Variants in ABCA10 observed in about 807,000 individuals in gnomAD.
ABCA10 encodes ATP-binding cassette sub-family A member 10.
A neutral mutation model predicts 187.5 loss-of-function variants in ABCA10; 169 were observed. The observed-to-expected ratio is 0.90, with a 90% CI of 0.80 to 1.02. The LOEUF (loss-of-function observed/expected upper bound fraction) is 1.02, where lower values mean the gene tolerates loss of function less well. ABCA10 is among the 50% of genes least tolerant of loss of function. The pLI is 0.00. For missense variants in ABCA10, 1,727 were observed against 1,812.4 expected (o/e 0.95, Z 0.86); for synonymous variants, 574 against 601.8 (o/e 0.95, Z 0.68).
intron 21 of ABCA10, 92 bp from the exon 22 acceptor site, chr17:69,182,382 GAGA>G (rs1416115501): frequency 1.2e-5 from 13 of 1,109,418 alleles, no homozygotes; most frequent in Non-Finnish European, 1.5e-5. Context: ...GAATTAGAAT[GAGA>G]AGGAGACTAT....
chr17:69,242,618 C>T (rs2074910539), intron 1 of ABCA10, among the ~76,000 whole-genome samples: 1 of 152,122 alleles, frequency 6.6e-6, no homozygotes, highest in Non-Finnish European at 1.5e-5. Flanking sequence ...GCACGTGCCA[C>T]CACACCCAGC....
rs2074103158 is a variant in ABCA10, at chr17:69,148,249, A to G, written c.*578T>C. ...AATACATTGAATATAAGTTGGCTAA[A>G]GAAAATATTAACTGCGGTACTTTCT... On this transcript the variant is annotated 3_prime_UTR_variant, in exon 39 of 39. Coordinates refer to ENST00000690296, the MANE Select transcript of ABCA10 (RefSeq NM_001377321.1). The G allele has an allele frequency of 6.6e-6, 1 of 152,300 alleles. No individual in the cohort carries two copies. Among genetic ancestry groups the G allele is most frequent in the Admixed American group, 6.5e-5 (1 of 15,274 alleles). 9.4% of individuals were successfully genotyped at this position (152,300 alleles called of 1,614,324 possible).
intron 25 of ABCA10, among the ~76,000 whole-genome samples, chr17:69,169,489 C>T (rs1010523425): frequency 6.6e-6 from 1 of 152,216 alleles, no homozygotes; most frequent in South Asian, 2.1e-4. Context: ...ATTAATATCA[C>T]TTCTTGTGGA....
Position 69,153,337 on chromosome 17 carries a change from G to T in ABCA10, c.4104C>A (p.Thr1368=). The change falls in exon 34 of 39, where the codon ACC becomes ACA. Residue 1368 remains threonine (T), a synonymous_variant. Coordinates refer to ENST00000690296, the MANE Select transcript of ABCA10 (RefSeq NM_001377321.1). ...PSVVLLDEPF[T]GMDPEGQQQM... ...GCTGCTGCCCCTCGGGGTCCATCCC[G>T]GTGAACGGCTCATCTAGAAGCACCA... 6.2e-7 allele frequency: 1 copy of T among 1,613,122 alleles called. No individual in the cohort carries two copies. Among genetic ancestry groups the T allele is most frequent in the South Asian group, 1.1e-5 (1 of 90,966 alleles).
intron 25 of ABCA10, among the ~76,000 whole-genome samples, chr17:69,168,188 C>T (rs2074268467): frequency 6.6e-6 from 1 of 152,032 alleles, no homozygotes; most frequent in South Asian, 2.1e-4. Context: ...CGTTAAGCAA[C>T]TATGTTATCA....
At chr17:69,230,078 C>T (rs2144858003), upstream of ABCA10, among the ~76,000 whole-genome samples, 1 of 152,130 alleles carries the variant, frequency 6.6e-6, no homozygotes. Flanking sequence ...TGGATTAACA[C>T]TATTATCTTG....
chr17:69,194,090 T>C (rs1568063711), intron 12 of ABCA10, 101 bp from the exon 13 acceptor site: 1 of 1,153,922 alleles, frequency 8.7e-7, no homozygotes, highest in East Asian at 2.5e-5. Context: ...AACTTGTTTT[T>C]ATTAAAGAAA....
chr17:69,170,668 ACC>A (rs754942764), intron 25 of ABCA10, among the ~76,000 whole-genome samples: 2 of 152,274 alleles, frequency 1.3e-5, no homozygotes, highest in East Asian at 3.9e-4. Context: ...TGTAACAGAT[ACC>A]CTAAAGGGTC....
At chr17:69,197,006 CAGAGGG>C (rs796158703) in intron 11 of ABCA10, 52 bp downstream of exon 11, 229 of 500,114 alleles carry the variant, frequency 4.6e-4, no homozygotes, top group African/African-American at 3.9e-3. Context: ...AGACCGTGGA[CAGAGGG>C]AGGGGGAGGG....
chr17:69,181,259 G>T (rs1300259268), intron 22 of ABCA10, among the ~76,000 whole-genome samples: 2 of 152,112 alleles, frequency 1.3e-5, no homozygotes, highest in African/African-American at 4.8e-5. Flanking sequence ...AAGGATTTAG[G>T]TTTAAGATAT....
intron 9 of ABCA10, among the ~76,000 whole-genome samples, chr17:69,208,016 A>C (rs2074604351): frequency 6.6e-6 from 1 of 152,250 alleles, no homozygotes; most frequent in Non-Finnish European, 1.5e-5. Flanking sequence ...TCAAAACATC[A>C]TGTGTACATG....
At chr17:69,153,582 T>C (rs200779425) in intron 32 of ABCA10, 36 bp from the exon 33 acceptor site, 191 of 1,610,656 alleles carry the variant, frequency 1.2e-4, no homozygotes, top group Non-Finnish European at 1.6e-4. Context: ...ATGAAGTATA[T>C]GGCAAATGGA....
chr17:69,210,689 T>C (rs1333238950), intron 9 of ABCA10, among the ~76,000 whole-genome samples: 2 of 151,814 alleles, frequency 1.3e-5, no homozygotes, highest in Non-Finnish European at 2.9e-5. Flanking sequence ...CATTCCTGAG[T>C]TAACTTCACT....
At chr17:69,214,909 ATT>A in intron 8 of ABCA10, 58 bp from the exon 9 acceptor site, 2 of 1,296,088 alleles carry the variant, frequency 1.5e-6, no homozygotes, top group Non-Finnish European at 2.1e-6. Flanking sequence ...AAATAAAACA[ATT>A]TTTTTTAAAA....
chr17:69,178,850 T>C (rs1327522527), intron 22 of ABCA10: 1 of 152,122 alleles, frequency 6.6e-6, no homozygotes, highest in Admixed American at 6.6e-5. Context: ...ATTCTTAACT[T>C]TCCTAAAGAA....
intron 37 of ABCA10, 71 bp from the exon 38 acceptor site, chr17:69,149,159 A>T: frequency 6.6e-7 from 1 of 1,518,632 alleles, no homozygotes; most frequent in Non-Finnish European, 9.1e-7. Flanking sequence ...CATACAATAG[A>T]GACAGTAGCT....
At chr17:69,169,390 A>T (rs1418530490) in intron 25 of ABCA10, among the ~76,000 whole-genome samples, 1 of 152,254 alleles carries the variant, frequency 6.6e-6, no homozygotes, top group Non-Finnish European at 1.5e-5. Flanking sequence ...AGCCTAAAAC[A>T]GAGAAGCAGA....
intron 1 of ABCA10, among the ~76,000 whole-genome samples, chr17:69,227,551 TC>T (rs1186836805): frequency 5.9e-5 from 9 of 151,948 alleles, no homozygotes; most frequent in African/African-American, 2.2e-4. Context: ...TCACTTTTTT[TC>T]CATGAAATCT....
chr17:69,175,022 T>C (rs918681935), intron 23 of ABCA10, among the ~76,000 whole-genome samples: 4 of 152,164 alleles, frequency 2.6e-5, no homozygotes, highest in Admixed American at 2.0e-4. Context: ...GACTACACTA[T>C]ATATTTTTAA....
Sources: allele counts gnomAD v4.1 joint callset (sites outside exome capture counted in the v4.1 genomes callset), GRCh38; gene constraint gnomAD v4.1.1; transcripts MANE v1.5; gene names NCBI Gene and HGNC (gene_info 2026-07-23, HGNC 2026-07-21).